SORCS3: variants seen among roughly 807,000 people sequenced by gnomAD.
The protein encoded by SORCS3 is VPS10 domain-containing receptor SorCS3.
In SORCS3, 57 loss-of-function variants were observed where a neutral mutation model predicts 146.3. The observed-to-expected ratio is 0.39, with a 90% CI of 0.31 to 0.49. The LOEUF (loss-of-function observed/expected upper bound fraction) is 0.49. SORCS3 is among the 20% of genes least tolerant of loss of function. The pLI is 0.92. For synonymous variants in SORCS3, 653 were observed against 618.5 expected (o/e 1.06, Z -0.83); for missense variants, 1,341 against 1,575.5 (o/e 0.85, Z 2.52).
At chr10:104,732,412 T>G (rs550645628) in intron 1 of SORCS3, among the ~76,000 whole-genome samples, 8 of 152,200 alleles carry the variant, frequency 5.3e-5, no homozygotes, top group Non-Finnish European at 1.0e-4. Context: ...TGCTTGCATT[T>G]GAAAGGCAGG....
chr10:104,727,834 C>T (rs1399174556), intron 1 of SORCS3, among the ~76,000 whole-genome samples: 2 of 152,092 alleles, frequency 1.3e-5, no homozygotes, highest in Admixed American at 6.6e-5. Context: ...TTACTGTGAA[C>T]TGTGCAGGCA....
chr10:104,888,502 ATGT>A (rs1349216410), intron 2 of SORCS3, among the ~76,000 whole-genome samples: 1 of 152,162 alleles, frequency 6.6e-6, no homozygotes, highest in African/African-American at 2.4e-5. Context: ...CAAAGTGAAG[ATGT>A]TGTCCATTCT....
At chr10:105,089,384 G>T (rs1178737134) in intron 5 of SORCS3, among the ~76,000 whole-genome samples, 1 of 152,202 alleles carries the variant, frequency 6.6e-6, no homozygotes, top group East Asian at 1.9e-4. Flanking sequence ...GGAGGAGGAA[G>T]TGGTGGAAGG....
chr10:105,236,365 T>C (rs971572213), intron 20 of SORCS3, among the ~76,000 whole-genome samples: 2 of 152,072 alleles, frequency 1.3e-5, no homozygotes, highest in Non-Finnish European at 2.9e-5. Context: ...GGTTACATAA[T>C]CTAAAATTGT....
intron 3 of SORCS3, among the ~76,000 whole-genome samples, chr10:104,962,873 A>G (rs180840314): frequency 3.0e-4 from 46 of 152,362 alleles, no homozygotes; most frequent in African/African-American, 1.1e-3. Flanking sequence ...CAAGTTATCT[A>G]CTATGGATAA....
intron 7 of SORCS3, among the ~76,000 whole-genome samples, chr10:105,113,305 C>T (rs142059584): frequency 8.5e-4 from 130 of 152,246 alleles, no homozygotes; most frequent in African/African-American, 3.1e-3. Flanking sequence ...ATGTGATGCA[C>T]ATATTTAATG....
intron 2 of SORCS3, among the ~76,000 whole-genome samples, chr10:104,907,364 A>G (rs938822124): frequency 3.3e-5 from 5 of 152,202 alleles, no homozygotes; most frequent in Admixed American, 2.6e-4. Flanking sequence ...TAAAACCTAA[A>G]TATAACAACT....
chr10:105,082,560 A>C lies in SORCS3; in HGVS notation c.1029-7215A>C, dbSNP rs1403900810. On this transcript the variant is annotated intron_variant, in intron 5 of 26. Transcript: ENST00000369701. ...TCCATTTTATAGATGTGGAAACTAAAAATCATTATTTGCACACATGTGATG... is the reference window on the plus strand; with the variant it reads ...TCCATTTTATAGATGTGGAAACTAACAATCATTATTTGCACACATGTGATG... 2.6e-5 allele frequency among the ~76,000 whole-genome samples: 4 copies of C among 152,284 alleles called. No homozygotes were observed. The East Asian group carries it at 7.7e-4, about 29-fold the overall frequency.
chr10:105,232,004 CATTTGGT>C (rs1564790768), intron 20 of SORCS3, among the ~76,000 whole-genome samples: 1 of 151,856 alleles, frequency 6.6e-6, no homozygotes, highest in African/African-American at 2.4e-5. Flanking sequence ...TATTTGGTTA[CATTTGGT>C]ATTTGGTATT....
At chr10:104,950,825 C>T (rs532950512) in intron 3 of SORCS3, among the ~76,000 whole-genome samples, 18 of 152,192 alleles carry the variant, frequency 1.2e-4, no homozygotes, top group Non-Finnish European at 2.5e-4. Flanking sequence ...CGGTTGATTC[C>T]TATACACAAG....
intron 7 of SORCS3, among the ~76,000 whole-genome samples, chr10:105,127,049 G>A (rs1245851535): frequency 6.6e-6 from 1 of 152,232 alleles, no homozygotes; most frequent in East Asian, 1.9e-4. Context: ...CTCGCTGATT[G>A]ACAAATGTAA....
At chr10:104,695,960 T>C (rs1225618359) in intron 1 of SORCS3, among the ~76,000 whole-genome samples, 1 of 143,662 alleles carries the variant, frequency 7.0e-6, no homozygotes, top group East Asian at 2.0e-4. Context: ...ATATATTATA[T>C]ACACATATAA....
chr10:105,003,526 G>C (rs2055073859), intron 4 of SORCS3, among the ~76,000 whole-genome samples: 1 of 152,100 alleles, frequency 6.6e-6, no homozygotes, highest in Non-Finnish European at 1.5e-5. Flanking sequence ...AGCCTAATTT[G>C]TGTTGTGCAA....
At chr10:104,977,592 C>G (rs2054907782) in intron 4 of SORCS3, 99 bp downstream of exon 4, 6 of 1,147,804 alleles carry the variant, frequency 5.2e-6, no homozygotes, top group Non-Finnish European at 6.0e-6. Context: ...AATTCAGTGA[C>G]ATTTCATCAT....
chr10:104,878,760 C>A (rs528657619), intron 2 of SORCS3, among the ~76,000 whole-genome samples: 2 of 152,234 alleles, frequency 1.3e-5, no homozygotes, highest in African/African-American at 4.8e-5. Flanking sequence ...AGTCATGTTT[C>A]AGTCTGAATG....
chr10:105,091,305 T>C (rs1589627989), intron 6 of SORCS3, among the ~76,000 whole-genome samples: 1 of 93,356 alleles, frequency 1.1e-5, no homozygotes, highest in South Asian at 5.3e-4. Flanking sequence ...CCTTCCCTCC[T>C]TCCTTCCTTC....
chr10:105,004,792 G>A (rs2055084111), intron 4 of SORCS3, among the ~76,000 whole-genome samples: 2 of 146,146 alleles, frequency 1.4e-5, no homozygotes, highest in South Asian at 4.7e-4. Context: ...GTGAATGTGA[G>A]GTAATAGAGT....
chr10:105,213,604 C>G (rs1589691421), intron 17 of SORCS3, among the ~76,000 whole-genome samples: 1 of 152,236 alleles, frequency 6.6e-6, no homozygotes, highest in Middle Eastern at 3.4e-3. Context: ...ATATGCCCAT[C>G]ATGCAGATCA....
intron 1 of SORCS3, among the ~76,000 whole-genome samples, chr10:104,749,991 T>C (rs776770229): frequency 1.8e-4 from 27 of 152,240 alleles, no homozygotes; most frequent in Non-Finnish European, 3.4e-4. Flanking sequence ...TAAATGGCTA[T>C]ATAACTAATT....
Sources: allele counts gnomAD v4.1 joint callset (sites outside exome capture counted in the v4.1 genomes callset), GRCh38; gene constraint gnomAD v4.1.1; transcripts MANE v1.5; gene names NCBI Gene and HGNC (gene_info 2026-07-23, HGNC 2026-07-21).